The following TDRD12 variants were observed in gnomAD, a reference collection of about 807,000 sequenced individuals.
TDRD12 encodes the protein tudor domain containing 12, also known as putative ATP-dependent RNA helicase TDRD12.
TDRD12 carries 158 observed loss-of-function variants against 133.5 expected under a neutral mutation model. The ratio of observed to expected loss-of-function variants is 1.18; its 90% CI spans 1.04 to 1.35. TDRD12 has a LOEUF of 1.35. Among genes scored for constraint, TDRD12 ranks in the 40% most tolerant of loss-of-function variants. The pLI, the probability that TDRD12 is intolerant of heterozygous loss-of-function variation, is 0.00. For missense variants in TDRD12, 1,443 were observed against 1,321.3 expected, an observed-to-expected ratio of 1.09 and a Z score of -1.43; for synonymous variants, 460 against 477.9, an observed-to-expected ratio of 0.96 and a Z score of 0.49.
At chr19:32,760,458 T>C (rs1373793997) in intron 8 of TDRD12, among the ~76,000 whole-genome samples, 4 of 152,114 alleles carry the variant, frequency 2.6e-5, no homozygotes, top group African/African-American at 9.6e-5. Flanking sequence ...ACTTGGCTAA[T>C]ACTTGATTTG....
downstream of TDRD12, among the ~76,000 whole-genome samples, chr19:32,823,038 G>C (rs542298756): frequency 7.2e-5 from 11 of 152,322 alleles, no homozygotes; most frequent in African/African-American, 2.2e-4. Context: ...CACTGCAGAT[G>C]TTCTGCACCT....
intron 11 of TDRD12, among the ~76,000 whole-genome samples, chr19:32,786,691 A>G (rs1349064588): frequency 6.6e-6 from 1 of 152,222 alleles, no homozygotes; most frequent in East Asian, 1.9e-4. Context: ...AATCACTGAT[A>G]TCCTTTCTTC....
At chr19:32,795,335 GA>G (rs35855895) in intron 14 of TDRD12, among the ~76,000 whole-genome samples, 70,102 of 114,058 alleles carry the variant, frequency 0.61, 19,064 homozygotes, top group East Asian at 0.81. Flanking sequence ...CTCCATCTCA[GA>G]AAAAAAAAAA....
At chr19:32,778,234 GCTTCT>G (rs1321858496) in intron 11 of TDRD12, among the ~76,000 whole-genome samples, 1 of 151,826 alleles carries the variant, frequency 6.6e-6, no homozygotes, top group East Asian at 1.9e-4. Context: ...ACCTGCCAGG[GCTTCT>G]TACCCCACAG....
chr19:32,777,246 T>C lies in TDRD12; in HGVS notation c.1121+17T>C. 4 of 1,383,340 alleles carry C rather than the reference T, an allele frequency of 2.9e-6. No individual in the cohort carries two copies. Among genetic ancestry groups the C allele is most frequent in the Non-Finnish European group, 3.9e-6 (4 of 1,018,002 alleles). The allele number at this position is 1,383,340 out of a possible 1,614,324, so 85.7% of individuals were successfully genotyped here. ...CTGTGTGAAGTAAGAATTTTTTCCT[T>C]GGCCTGAATTGTGTATTGAAATAAT... On this transcript the variant is annotated intron_variant, in intron 11 of 27. Transcript: ENST00000444215.
chr19:32,818,208 C>G (rs1967252292), intron 27 of TDRD12, 51 bp downstream of exon 27: 1 of 679,558 alleles, frequency 1.5e-6, no homozygotes, highest in African/African-American at 1.8e-5. Flanking sequence ...GGACAGGGGG[C>G]CATGTGTGAG....
intron 21 of TDRD12, among the ~76,000 whole-genome samples, chr19:32,804,808 T>C (rs1174192880): frequency 1.3e-5 from 2 of 151,748 alleles, no homozygotes; most frequent in Non-Finnish European, 2.9e-5. Context: ...GTAAGCCAAG[T>C]TCGCGCCACT....
At chr19:32,800,950 C>A (rs969718469) in intron 18 of TDRD12, among the ~76,000 whole-genome samples, 178 bp downstream of exon 18, 3 of 151,626 alleles carry the variant, frequency 2.0e-5, no homozygotes, top group Admixed American at 1.3e-4. Flanking sequence ...AGGCCTGGAT[C>A]TGGGGAGGAG....
At chr19:32,789,922 A>C (rs1333292802) in intron 11 of TDRD12, among the ~76,000 whole-genome samples, 3 of 152,114 alleles carry the variant, frequency 2.0e-5, no homozygotes, top group Non-Finnish European at 4.4e-5. Context: ...GAATCTCTTG[A>C]ACCTGGGAGG....
At chr19:32,799,882 A>G (rs1242365420) in intron 16 of TDRD12, among the ~76,000 whole-genome samples, 1 of 151,550 alleles carries the variant, frequency 6.6e-6, no homozygotes, top group Non-Finnish European at 1.5e-5. Flanking sequence ...TTACAGGTGC[A>G]CACCACCACA....
chr19:32,790,732 A>G (rs765856492), intron 12 of TDRD12, 141 bp downstream of exon 12: 143 of 1,540,940 alleles, frequency 9.3e-5, no homozygotes, highest in Non-Finnish European at 1.2e-4. Flanking sequence ...ACATCCTTTT[A>G]GAAACGATCG....
intron 8 of TDRD12, among the ~76,000 whole-genome samples, chr19:32,771,898 C>T (rs1005261180): frequency 7.2e-5 from 11 of 152,104 alleles, no homozygotes; most frequent in Non-Finnish European, 1.3e-4. Flanking sequence ...AGGTGAAAGG[C>T]GTATCTTGTC....
At chr19:32,738,221 T>C (rs764558420) in intron 2 of TDRD12, among the ~76,000 whole-genome samples, 1 of 152,148 alleles carries the variant, frequency 6.6e-6, no homozygotes, top group East Asian at 1.9e-4. Flanking sequence ...TGATTGACAA[T>C]CATTCCTAAG....
At chr19:32,811,946 C>T (rs750838788) in intron 24 of TDRD12, among the ~76,000 whole-genome samples, 4 of 152,204 alleles carry the variant, frequency 2.6e-5, no homozygotes, top group Non-Finnish European at 5.9e-5. Context: ...GCACAATGGG[C>T]GGTCCCAGGA....
At chr19:32,827,372 CTTT>C (rs549327733) in exon 10 of TDRD12, 26,760 of 120,938 alleles carry the variant, frequency 0.22, 1,104 homozygotes, top group East Asian at 0.35. Flanking sequence ...CTTTTCTTTT[CTTT>C]TTTTTTTTTT....
intron 12 of TDRD12, 60 bp downstream of exon 12, chr19:32,790,651 A>C: frequency 6.4e-7 from 1 of 1,551,604 alleles, no homozygotes; most frequent in Non-Finnish European, 8.7e-7. Flanking sequence ...TATTCTTTAA[A>C]TCCTTCTCCT....
In TDRD12 at chr19:32,738,863, T is replaced by A. The variant is rs1431062401; in HGVS notation, c.191T>A (p.Val64Glu). The A allele has an allele frequency of 1.9e-6, 3 of 1,550,878 alleles. No individual in the cohort carries two copies. In the Admixed American group the frequency reaches 5.9e-5, roughly 30 times the overall value. Residue 64 changes from valine (V) to glutamate (E), a missense_variant, in exon 3 of 28, where the codon GTG (valine) becomes GAG (glutamate). Transcript: ENST00000444215. Reference sequence around the variant, plus strand: ...TCTCTGTTTATTTTGCAGGTGTGTGTGGTCTATTGTGAGGAGCTAAAGTGC... The same window carrying A: ...TCTCTGTTTATTTTGCAGGTGTGTGAGGTCTATTGTGAGGAGCTAAAGTGC...
chr19:32,732,450 G>T (rs966870470), intron 2 of TDRD12, among the ~76,000 whole-genome samples: 1 of 152,222 alleles, frequency 6.6e-6, no homozygotes, highest in African/African-American at 2.4e-5. Context: ...GGAACCAGGG[G>T]GTTATTTGAG....
chr19:32,754,777 A>G (rs960119682), intron 6 of TDRD12, among the ~76,000 whole-genome samples: 1 of 146,182 alleles, frequency 6.8e-6, no homozygotes, highest in Non-Finnish European at 1.5e-5. Flanking sequence ...CCTGGGTTCC[A>G]GTAATTATCC....
Sources: gnomAD v4.1 joint callset for allele counts (sites outside exome capture counted in the v4.1 genomes callset) on GRCh38, gnomAD v4.1.1 for gene constraint, MANE v1.5 for transcripts, NCBI Gene and HGNC (gene_info 2026-07-23, HGNC 2026-07-21) for gene names.